UBR3: variants seen among roughly 807,000 people sequenced by gnomAD.
The protein encoded by UBR3 is ubiquitin protein ligase E3 component n-recognin 3, also known as E3 ubiquitin-protein ligase UBR3.
In UBR3, 85 loss-of-function variants were observed where a neutral mutation model predicts 243.2. The ratio of observed to expected loss-of-function variants is 0.35; its 90% CI spans 0.29 to 0.42. UBR3 has a LOEUF of 0.42. UBR3 is among the 10% of genes least tolerant of loss of function. The pLI is 1.00. For synonymous variants in UBR3, 748 were observed against 799.8 expected, an observed-to-expected ratio of 0.94 and a Z score of 1.09; for missense variants, 1,686 against 2,300.8, an observed-to-expected ratio of 0.73 and a Z score of 5.47.
intron 23 of UBR3, among the ~76,000 whole-genome samples, chr2:169,952,319 T>C (rs988993550): frequency 1.3e-5 from 2 of 152,182 alleles, no homozygotes; most frequent in Non-Finnish European, 2.9e-5. Flanking sequence ...AATTGTTAAG[T>C]GCTACAGGAG....
chr2:169,994,693 T>A (rs2089417333), intron 26 of UBR3, among the ~76,000 whole-genome samples: 1 of 152,210 alleles, frequency 6.6e-6, no homozygotes, highest in South Asian at 2.1e-4. Flanking sequence ...TTCAATTAAG[T>A]GGAATGAAGA....
intron 8 of UBR3, among the ~76,000 whole-genome samples, chr2:169,898,197 T>C (rs2084663665): frequency 6.6e-6 from 1 of 152,204 alleles, no homozygotes; most frequent in South Asian, 2.1e-4. Context: ...AGAAATCTTA[T>C]AGTTGAGCCT....
chr2:169,924,925 C>T (rs895741644), intron 13 of UBR3, among the ~76,000 whole-genome samples: 2 of 151,986 alleles, frequency 1.3e-5, no homozygotes, highest in East Asian at 1.9e-4. Context: ...CCCAGCTACT[C>T]GGGAGGCTGA....
intron 30 of UBR3, 110 bp from the exon 31 acceptor site, chr2:170,029,236 T>C (rs2090607732): frequency 6.2e-6 from 5 of 812,302 alleles, no homozygotes; most frequent in Non-Finnish European, 9.4e-6. Context: ...GAATTTTAAT[T>C]GTCAGGATGG....
chr2:169,993,772 C>T (rs189324298), intron 25 of UBR3, among the ~76,000 whole-genome samples: 26 of 152,308 alleles, frequency 1.7e-4, no homozygotes, highest in African/African-American at 6.0e-4. Flanking sequence ...TTGCCTGGGT[C>T]AGTGAACGTA....
intron 1 of UBR3, among the ~76,000 whole-genome samples, chr2:169,850,935 T>C (rs2082636449): frequency 6.6e-6 from 1 of 152,156 alleles, no homozygotes; most frequent in African/African-American, 2.4e-5. Context: ...TAAAAAATAT[T>C]TTCTTTTTCT....
At chr2:170,001,245 T>G in intron 26 of UBR3, 59 bp from the exon 27 acceptor site, 1 of 1,236,002 alleles carries the variant, frequency 8.1e-7, no homozygotes, top group Middle Eastern at 2.4e-4. Flanking sequence ...CATACTAATA[T>G]TTAAATATGT....
chr2:170,022,778 C>T (rs1407789503), intron 30 of UBR3, among the ~76,000 whole-genome samples: 2 of 152,088 alleles, frequency 1.3e-5, no homozygotes, highest in Admixed American at 1.3e-4. Context: ...TGATTCTCTG[C>T]CCTGCCTTGC....
At chr2:169,993,866 G>T (rs1488816107) in intron 25 of UBR3, among the ~76,000 whole-genome samples, 4 of 152,010 alleles carry the variant, frequency 2.6e-5, no homozygotes, top group African/African-American at 7.3e-5. Context: ...TTATAAATCT[G>T]CTCCCTCAGT....
intron 1 of UBR3, among the ~76,000 whole-genome samples, chr2:169,849,210 C>T (rs922169376): frequency 1.3e-5 from 2 of 152,190 alleles, no homozygotes; most frequent in African/African-American, 4.8e-5. Context: ...GCATGAGGCC[C>T]AGTCAAGAGG....
intron 20 of UBR3, 149 bp from the exon 21 acceptor site, chr2:169,946,139 C>A: frequency 3.0e-6 from 1 of 335,012 alleles, no homozygotes; most frequent in Non-Finnish European, 5.6e-6. Flanking sequence ...TTTTAGTGGA[C>A]TCTGACATAC....
chr2:169,975,138 C>G (rs2088366815), intron 24 of UBR3, among the ~76,000 whole-genome samples: 1 of 152,128 alleles, frequency 6.6e-6, no homozygotes, highest in South Asian at 2.1e-4. Flanking sequence ...CCACTGTACT[C>G]CAGCCTGGAT....
chr2:169,898,177 T>C (rs1213036452), intron 8 of UBR3, among the ~76,000 whole-genome samples: 1 of 152,180 alleles, frequency 6.6e-6, no homozygotes, highest in East Asian at 1.9e-4. Flanking sequence ...CTCTCCATTC[T>C]CTGAGGAGGA....
chr2:169,827,467 G>C lies in UBR3; in HGVS notation c.-41G>C, dbSNP rs2081773953. 8 of 1,220,136 alleles carry C rather than the reference G, an allele frequency of 6.6e-6. No homozygotes were observed. The highest frequency in any genetic ancestry group is 8.2e-6 in the Non-Finnish European group (8 of 980,528). 75.6% of individuals were successfully genotyped at this position (1,220,136 alleles called of 1,614,324 possible). On this transcript the variant is annotated 5_prime_UTR_variant, in exon 1 of 39. Transcript: ENST00000272793. The stretch of plus-strand genomic sequence containing the variant: ...GTCTATTCCCTCACTCTCCCTGGAG[G>C]AGCCGCTGGCCCTGGACTCTCCAAA...
intron 19 of UBR3, among the ~76,000 whole-genome samples, chr2:169,933,435 A>AT (rs2086212359): frequency 6.6e-6 from 1 of 152,208 alleles, no homozygotes; most frequent in Admixed American, 6.5e-5. Context: ...AGCAAAATTA[A>AT]TTTTACTTGT....
intron 24 of UBR3, among the ~76,000 whole-genome samples, chr2:169,959,400 C>G (rs1400860403): frequency 2.0e-5 from 3 of 151,650 alleles, no homozygotes; most frequent in African/African-American, 7.3e-5. Context: ...TACCAAAATT[C>G]AAAACTTTCT....
At chr2:170,013,474 T>C (rs1460592096) in intron 29 of UBR3, among the ~76,000 whole-genome samples, 1 of 152,082 alleles carries the variant, frequency 6.6e-6, no homozygotes, top group African/African-American at 2.4e-5. Context: ...ATCCTAGATA[T>C]TATTACACAT....
At chr2:169,868,024 A>G (rs2083315074) in intron 1 of UBR3, among the ~76,000 whole-genome samples, 1 of 152,190 alleles carries the variant, frequency 6.6e-6, no homozygotes, top group South Asian at 2.1e-4. Flanking sequence ...TGATCTTTTT[A>G]TTAGGGAAAA....
chr2:170,008,108 G>C (rs1197131920), intron 28 of UBR3, among the ~76,000 whole-genome samples: 1 of 152,028 alleles, frequency 6.6e-6, no homozygotes, highest in Non-Finnish European at 1.5e-5. Flanking sequence ...ACTACTGTAG[G>C]GGGGAACTCA....
Sources: allele counts gnomAD v4.1 joint callset (sites outside exome capture counted in the v4.1 genomes callset), GRCh38; gene constraint gnomAD v4.1.1; transcripts MANE v1.5; gene names NCBI Gene and HGNC (gene_info 2026-07-23, HGNC 2026-07-21).